UBR1: variants seen among roughly 807,000 people sequenced by gnomAD.
UBR1 encodes the protein ubiquitin protein ligase E3 component n-recognin 1, also known as E3 ubiquitin-protein ligase UBR1.
UBR1 carries 102 observed loss-of-function variants against 242.1 expected under a neutral mutation model. The ratio of observed to expected loss-of-function variants is 0.42; its 90% CI spans 0.36 to 0.50. UBR1 has a LOEUF of 0.50. UBR1 is among the 20% of genes least tolerant of loss of function. The pLI, the probability that UBR1 is intolerant of heterozygous loss-of-function variation, is 0.01. For synonymous variants in UBR1, 675 were observed against 684.8 expected (o/e 0.99, Z 0.22); for missense variants, 1,772 against 2,101.8 (o/e 0.84, Z 3.07).
At chr15:42,971,214 A>G (rs1164024536) in intron 39 of UBR1, among the ~76,000 whole-genome samples, 1 of 152,212 alleles carries the variant, frequency 6.6e-6, no homozygotes, top group African/African-American at 2.4e-5. Context: ...TTGGGTTCCT[A>G]GGAATCTAAG....
At chr15:42,952,169 C>A (rs2031844702) in intron 45 of UBR1, 109 bp downstream of exon 45, 2 of 1,366,692 alleles carry the variant, frequency 1.5e-6, no homozygotes, top group Non-Finnish European at 2.1e-6. Context: ...AATACTCTAA[C>A]TTCTGATTGA....
intron 28 of UBR1, 53 bp downstream of exon 28, chr15:43,017,042 T>A: frequency 6.9e-7 from 1 of 1,458,036 alleles, no homozygotes; most frequent in Non-Finnish European, 9.6e-7. Flanking sequence ...CCAGTAAAGT[T>A]CAAAGACAGA....
At chr15:43,019,211 G>A (rs1054874661) in intron 27 of UBR1, among the ~76,000 whole-genome samples, 3 of 151,914 alleles carry the variant, frequency 2.0e-5, no homozygotes, top group Non-Finnish European at 2.9e-5. Context: ...ACAGGTACCC[G>A]CCACCACACC....
At chr15:43,030,471 C>T (rs1367821719) in intron 20 of UBR1, among the ~76,000 whole-genome samples, 1 of 152,168 alleles carries the variant, frequency 6.6e-6, no homozygotes, top group Non-Finnish European at 1.5e-5. Flanking sequence ...GCTTTTCTTT[C>T]AAGATCTTTC....
chr15:43,042,530 G>A (rs932113011), intron 15 of UBR1, among the ~76,000 whole-genome samples: 7 of 152,070 alleles, frequency 4.6e-5, no homozygotes. Context: ...AGGAGGCAAT[G>A]GGGAGGTATT....
chr15:42,993,011 G>A (rs559960927), intron 33 of UBR1, among the ~76,000 whole-genome samples: 6 of 152,330 alleles, frequency 3.9e-5, no homozygotes, highest in African/African-American at 1.2e-4. Context: ...CTCTATGCCT[G>A]AGGCTGGCCT....
At chr15:43,012,610 C>T (rs573108781) in intron 29 of UBR1, among the ~76,000 whole-genome samples, 2 of 152,166 alleles carry the variant, frequency 1.3e-5, no homozygotes, top group Non-Finnish European at 2.9e-5. Flanking sequence ...TACACCTTTG[C>T]TTACACCTTC....
chr15:42,992,366 C>G (rs2032569413), intron 33 of UBR1, among the ~76,000 whole-genome samples: 1 of 152,182 alleles, frequency 6.6e-6, no homozygotes, highest in East Asian at 1.9e-4. Flanking sequence ...TGGAATATTA[C>G]ATTGGGAGGT....
At chr15:43,033,653 C>CA (rs560681389) in intron 19 of UBR1, among the ~76,000 whole-genome samples, 30 of 150,932 alleles carry the variant, frequency 2.0e-4, no homozygotes, top group African/African-American at 7.0e-4. Context: ...GACTTCGTCT[C>CA]AAAAAGGAAA....
intron 37 of UBR1, among the ~76,000 whole-genome samples, chr15:42,980,710 G>C (rs1389120928): frequency 6.6e-6 from 1 of 152,032 alleles, no homozygotes; most frequent in Admixed American, 6.6e-5. Flanking sequence ...CTGGGTGCAA[G>C]TGATACTCCC....
At chr15:43,095,822 A>C (rs1292985137) in intron 1 of UBR1, among the ~76,000 whole-genome samples, 1 of 152,246 alleles carries the variant, frequency 6.6e-6, no homozygotes, top group East Asian at 1.9e-4. Flanking sequence ...GGTAACCCTC[A>C]AAGTCAGCAT....
At position 43,002,654 on chromosome 15, in the gene UBR1, A is replaced by C; in HGVS notation, c.3560T>G (p.Leu1187Arg). ...ATATTCTCCACTTTCCAAGTCAAAAAGGTCAACATGAATGCGCTGCTGAGA... is the reference window on the plus strand; with the variant it reads ...ATATTCTCCACTTTCCAAGTCAAAACGGTCAACATGAATGCGCTGCTGAGA... ...LSSQQRIHVD[L>R]FDLESGEYLC... is the part of the protein sequence containing the mutation. The change falls in exon 32 of 47, where the codon CTT becomes CGT. Residue 1187 changes from leucine to arginine, a missense_variant. By Grantham distance (102) the Leu-to-Arg change is moderately radical. This residue lies in a region of UBR1 where 965 missense variants were observed against 1,079.7 expected (regional missense o/e 0.89). Transcript: ENST00000290650. 2 of 1,614,208 alleles carry C rather than the reference A, an allele frequency of 1.2e-6. No individual in the cohort carries two copies. The highest frequency in any genetic ancestry group is 1.7e-6 in the Non-Finnish European group (2 of 1,180,042).
At chr15:43,053,755 G>T (rs2033583154) in intron 12 of UBR1, among the ~76,000 whole-genome samples, 1 of 151,368 alleles carries the variant, frequency 6.6e-6, no homozygotes, top group South Asian at 2.1e-4. Flanking sequence ...GCTGTACCTG[G>T]CTAATTTTTA....
In UBR1 at chr15:43,075,001, C is replaced by A. The variant is rs759651076; in HGVS notation, c.506G>T (p.Gly169Val). 5.0e-6 allele frequency: 8 copies of A among 1,613,800 alleles called. No homozygotes were observed. The East Asian group carries it at 1.8e-4, about 36-fold the overall frequency. ...TGPFCVNHEP[G>V]RAGTIKENSR... Reference sequence around the variant, plus strand: ...TACCTCTTTTATAGTACCTGCTCTTCCAGGTTCATGATTTACACAAAAAGG... The same window carrying A: ...TACCTCTTTTATAGTACCTGCTCTTACAGGTTCATGATTTACACAAAAAGG... Residue 169 changes from glycine to valine, a missense_variant, in exon 4 of 47, where the codon GGA (glycine) becomes GTA (valine). Coordinates refer to ENST00000290650, the MANE Select transcript of UBR1 (RefSeq NM_174916.3).
chr15:42,993,293 G>T (rs2032584288), intron 33 of UBR1, among the ~76,000 whole-genome samples: 1 of 151,898 alleles, frequency 6.6e-6, no homozygotes, highest in South Asian at 2.1e-4. Flanking sequence ...ACTTTTCAGA[G>T]ACTTCAGCTG....
intron 29 of UBR1, among the ~76,000 whole-genome samples, chr15:43,008,419 T>C (rs1159281931): frequency 6.6e-6 from 1 of 152,266 alleles, no homozygotes; most frequent in Non-Finnish European, 1.5e-5. Flanking sequence ...TGCTGACATG[T>C]CAGCCCCCTC....
At chr15:43,097,047 A>G (rs748601936) in intron 1 of UBR1, among the ~76,000 whole-genome samples, 4 of 152,104 alleles carry the variant, frequency 2.6e-5, no homozygotes, top group Non-Finnish European at 5.9e-5. Flanking sequence ...TGAAAGCTAT[A>G]GTTTTATGAA....
intron 30 of UBR1, among the ~76,000 whole-genome samples, chr15:43,005,295 G>GT (rs1488997052): frequency 6.7e-5 from 10 of 148,434 alleles, no homozygotes; most frequent in Non-Finnish European, 1.0e-4. Context: ...GAGGTGGGGG[G>GT]CAGCCCCCGC....
At chr15:43,032,778 A>G (rs2033273675) in intron 19 of UBR1, 147 bp from the exon 20 acceptor site, 1 of 541,656 alleles carries the variant, frequency 1.8e-6, no homozygotes, top group Admixed American at 3.3e-5. Context: ...CAGCACAAAT[A>G]GTTACAATAG....
Sources: allele counts gnomAD v4.1 joint callset (sites outside exome capture counted in the v4.1 genomes callset), GRCh38; gene constraint gnomAD v4.1.1; regional missense constraint gnomAD v4.1.1; transcripts MANE v1.5; gene names NCBI Gene and HGNC (gene_info 2026-07-23, HGNC 2026-07-21).